Variants in SGCD observed in about 807,000 individuals in gnomAD.
SGCD encodes delta-sarcoglycan.
Under a neutral mutation model 36.6 loss-of-function variants are expected in SGCD, and 18 were observed. The ratio of observed to expected loss-of-function variants is 0.49; its 90% CI spans 0.34 to 0.73. SGCD has a LOEUF of 0.73. Ranked by LOEUF, SGCD falls within the 30% of genes least tolerant of loss-of-function variation. The pLI, the probability that SGCD is intolerant of heterozygous loss-of-function variation, is 0.01. For synonymous variants in SGCD, 133 were observed against 130.6 expected (o/e 1.02, Z -0.12); for missense variants, 387 against 346.7 (o/e 1.12, Z -0.92).
the SGCD span, among the ~76,000 whole-genome samples, chr5:155,865,262 A>T: frequency 2.2e-5 from 3 of 137,892 alleles, no homozygotes; most frequent in Non-Finnish European, 3.3e-5. Context: ...AAAATACTAT[A>T]ATTTATACAT....
At chr5:156,108,014 T>G (rs1308121214) in intron 1 of SGCD, among the ~76,000 whole-genome samples, 1 of 152,122 alleles carries the variant, frequency 6.6e-6, no homozygotes, top group Non-Finnish European at 1.5e-5. Context: ...TATCATAATA[T>G]GGGCACCATT....
chr5:156,091,964 C>G (rs964999811), intron 1 of SGCD, among the ~76,000 whole-genome samples: 2 of 152,208 alleles, frequency 1.3e-5, no homozygotes, highest in Admixed American at 1.3e-4. Flanking sequence ...TGTCTCCAAG[C>G]ATTTGGAGAA....
At chr5:156,270,967 A>C (rs969246598) in intron 3 of SGCD, among the ~76,000 whole-genome samples, 1 of 152,324 alleles carries the variant, frequency 6.6e-6, no homozygotes, top group East Asian at 1.9e-4. Context: ...TATAACATCA[A>C]CCAAACTCAG....
chr5:156,495,009 C>A (rs1756119848), intron 3 of SGCD, among the ~76,000 whole-genome samples: 1 of 152,078 alleles, frequency 6.6e-6, no homozygotes, highest in Non-Finnish European at 1.5e-5. Flanking sequence ...CTGTGTGATG[C>A]TCTGGGAAAA....
intron 7 of SGCD, among the ~76,000 whole-genome samples, chr5:156,731,658 G>T (rs919124565): frequency 6.6e-6 from 1 of 151,950 alleles, no homozygotes; most frequent in Admixed American, 6.6e-5. Flanking sequence ...AGGCTATTCG[G>T]GCTCTTTTTT....
At chr5:156,036,975 A>G (rs1011066956) in intron 1 of SGCD, among the ~76,000 whole-genome samples, 1 of 152,130 alleles carries the variant, frequency 6.6e-6, no homozygotes, top group African/African-American at 2.4e-5. Context: ...CATGCCACTT[A>G]CAGTTTACTG....
At chr5:156,035,154 C>T (rs901209478) in intron 1 of SGCD, among the ~76,000 whole-genome samples, 19 of 152,112 alleles carry the variant, frequency 1.2e-4, no homozygotes, top group Non-Finnish European at 2.1e-4. Context: ...AAGTTTTCCT[C>T]GGTGAGTCTG....
intron 6 of SGCD, among the ~76,000 whole-genome samples, chr5:156,622,809 G>A (rs1180375492): frequency 6.6e-6 from 1 of 152,114 alleles, no homozygotes; most frequent in Non-Finnish European, 1.5e-5. Flanking sequence ...TGGGTATAGA[G>A]TAGGACGAAA....
rs1581225852 is a variant in SGCD at position 156,595,542 on chromosome 5, T to C, written c.502+491T>C. Among the ~76,000 whole-genome samples the C allele has an allele frequency of 4.6e-5, 7 of 152,328 alleles. 1 individual carries two copies. The highest frequency in any genetic ancestry group is 4.6e-4 in the Admixed American group (7 of 15,298). On this transcript the variant is annotated intron_variant, in intron 6 of 8. Transcript: ENST00000337851. ...TTAAAGCAAGGCAGTTGAACCTCCC[T>C]GAGTCTGGTCCCCTAGTGGAAATTT...
At chr5:155,922,880 A>G (rs1351793722) in intron 1 of SGCD, among the ~76,000 whole-genome samples, 1 of 152,218 alleles carries the variant, frequency 6.6e-6, no homozygotes, top group Admixed American at 6.5e-5. Flanking sequence ...CTCCAGCCCA[A>G]TCAATGCCCA....
intron 3 of SGCD, among the ~76,000 whole-genome samples, chr5:156,266,938 A>G (rs1286893291): frequency 6.6e-6 from 1 of 152,074 alleles, no homozygotes; most frequent in Admixed American, 6.6e-5. Flanking sequence ...AAATTGAAAG[A>G]AAAAAAATAG....
chr5:156,329,095 G>T (rs1209807290), intron 1 of SGCD, among the ~76,000 whole-genome samples: 3 of 152,148 alleles, frequency 2.0e-5, no homozygotes, highest in African/African-American at 7.2e-5. Context: ...TTTTTTAGAA[G>T]TAAAGTAGGG....
chr5:156,321,432 C>CAAAT (rs1054948341), intron 3 of SGCD, among the ~76,000 whole-genome samples: 50 of 151,752 alleles, frequency 3.3e-4, no homozygotes, highest in African/African-American at 1.2e-3. Context: ...AATAAATAAA[C>CAAAT]AAATAAATAA....
chr5:156,065,479 C>G (rs1423542117), intron 1 of SGCD, among the ~76,000 whole-genome samples: 1 of 102,850 alleles, frequency 9.7e-6, no homozygotes, highest in East Asian at 2.3e-4. Context: ...GAGTTCAATT[C>G]CTGGGTATCC....
chr5:156,101,869 C>A (rs546198680), intron 1 of SGCD, among the ~76,000 whole-genome samples: 1 of 144,498 alleles, frequency 6.9e-6, no homozygotes, highest in Non-Finnish European at 1.5e-5. Context: ...TAACTATAAA[C>A]GTATAGGAGA....
chr5:155,958,457 T>A (rs920711887), intron 1 of SGCD, among the ~76,000 whole-genome samples: 1 of 152,124 alleles, frequency 6.6e-6, no homozygotes, highest in African/African-American at 2.4e-5. Context: ...GAGATTATAC[T>A]CTTTATCACC....
At chr5:156,601,261 G>C (rs866003847) in intron 6 of SGCD, among the ~76,000 whole-genome samples, 1 of 152,246 alleles carries the variant, frequency 6.6e-6, no homozygotes. Flanking sequence ...TAGTATTGTA[G>C]TTTTGGGTTT....
chr5:156,335,630 C>T (rs993659782), intron 2 of SGCD, among the ~76,000 whole-genome samples: 3 of 152,136 alleles, frequency 2.0e-5, no homozygotes, highest in African/African-American at 7.2e-5. Context: ...CTGTCTCTTC[C>T]CCTATCATTC....
At chr5:156,028,691 G>A (rs1191385714) in intron 1 of SGCD, among the ~76,000 whole-genome samples, 1 of 152,116 alleles carries the variant, frequency 6.6e-6, no homozygotes, top group African/African-American at 2.4e-5. Context: ...GATCCTAGAT[G>A]AGCCATTAAA....
Sources: gnomAD v4.1 joint callset for allele counts (sites outside exome capture counted in the v4.1 genomes callset) on GRCh38, gnomAD v4.1.1 for gene constraint, MANE v1.5 for transcripts, NCBI Gene and HGNC (gene_info 2026-07-23, HGNC 2026-07-21) for gene names.